SPMIP2: variants seen among roughly 807,000 people sequenced by gnomAD.
SPMIP2 encodes protein SPMIP2.
chr4:158,902,625 G>A, the SPMIP2 span, among the ~76,000 whole-genome samples: 651 of 152,308 alleles, frequency 4.3e-3, 4 homozygotes, highest in Middle Eastern at 0.031. Context: ...AAGAGATGGG[G>A]GTTTTATCTA....
chr4:159,051,911 T>C, the SPMIP2 span, among the ~76,000 whole-genome samples: 5 of 152,162 alleles, frequency 3.3e-5, no homozygotes, highest in Non-Finnish European at 7.4e-5. Context: ...TGCGCTTTCA[T>C]TTCCTCTCCT....
At chr4:158,922,037 G>C in the SPMIP2 span, among the ~76,000 whole-genome samples, 6 of 151,924 alleles carry the variant, frequency 3.9e-5, no homozygotes, top group Admixed American at 3.9e-4. Flanking sequence ...ACAGGCGCCT[G>C]CCACCACACC....
the SPMIP2 span, among the ~76,000 whole-genome samples, chr4:158,903,364 A>G: frequency 1.3e-5 from 2 of 152,040 alleles, no homozygotes; most frequent in African/African-American, 4.8e-5. Context: ...AAATACAGAA[A>G]TCACCCACCT....
chr4:159,035,520 T>C, the SPMIP2 span, among the ~76,000 whole-genome samples: 18 of 152,090 alleles, frequency 1.2e-4, no homozygotes, highest in Admixed American at 9.2e-4. Flanking sequence ...CCACAAACCA[T>C]GGTTAAATAT....
At chr4:158,963,715 A>C in the SPMIP2 span, among the ~76,000 whole-genome samples, 1 of 143,758 alleles carries the variant, frequency 7.0e-6, no homozygotes, top group Admixed American at 6.9e-5. Flanking sequence ...TAAAGTCCCA[A>C]ATCAGCTGAC....
chr4:159,048,050 A>C, the SPMIP2 span, among the ~76,000 whole-genome samples: 21 of 152,136 alleles, frequency 1.4e-4, no homozygotes, highest in African/African-American at 5.1e-4. Context: ...TTCAGAGATG[A>C]TTGTTCATGC....
At chr4:159,014,431 C>G in the SPMIP2 span, among the ~76,000 whole-genome samples, 1 of 152,032 alleles carries the variant, frequency 6.6e-6, no homozygotes, top group Admixed American at 6.6e-5. Flanking sequence ...CCAGGCTGGG[C>G]GAAAGGGCAA....
chr4:158,925,331 G>A, the SPMIP2 span, among the ~76,000 whole-genome samples: 4 of 152,026 alleles, frequency 2.6e-5, no homozygotes, highest in Non-Finnish European at 4.4e-5. Flanking sequence ...GGAATTGTTC[G>A]CAGTACTCCC....
chr4:159,031,654 G>T, the SPMIP2 span, among the ~76,000 whole-genome samples: 1 of 152,184 alleles, frequency 6.6e-6, no homozygotes, highest in Non-Finnish European at 1.5e-5. Context: ...TCACGGCAAT[G>T]TGACTATGTA....
At chr4:158,916,619 ATATGTATGTATGTATG>A in the SPMIP2 span, among the ~76,000 whole-genome samples, 6 of 150,604 alleles carry the variant, frequency 4.0e-5, no homozygotes, top group African/African-American at 1.5e-4. Flanking sequence ...ATGTATGTAC[ATATGTATGTATGTATG>A]TATGTATGTA....
At chr4:158,999,326 A>T in the SPMIP2 span, among the ~76,000 whole-genome samples, 23 of 152,350 alleles carry the variant, frequency 1.5e-4, no homozygotes, top group Non-Finnish European at 2.5e-4. Flanking sequence ...TATGAAAATG[A>T]CACTTTTAGC....
the SPMIP2 span, among the ~76,000 whole-genome samples, chr4:159,048,784 G>A: frequency 1.4e-5 from 2 of 141,164 alleles, no homozygotes; most frequent in African/African-American, 2.7e-5. Context: ...GCCCAGGTTG[G>A]ACTCTAACTT....
At chr4:158,913,553 T>G in the SPMIP2 span, among the ~76,000 whole-genome samples, 2 of 152,182 alleles carry the variant, frequency 1.3e-5, no homozygotes, top group African/African-American at 4.8e-5. Context: ...AACTTTAGAT[T>G]AGATAATAAT....
chr4:158,922,130 T>C, the SPMIP2 span, among the ~76,000 whole-genome samples: 1 of 152,216 alleles, frequency 6.6e-6, no homozygotes, highest in East Asian at 1.9e-4. Flanking sequence ...CCTCGTGATC[T>C]GCCCGCCTCG....
the SPMIP2 span, among the ~76,000 whole-genome samples, chr4:158,911,102 G>C: frequency 6.6e-6 from 1 of 152,176 alleles, no homozygotes; most frequent in Non-Finnish European, 1.5e-5. Flanking sequence ...GGCTGACATA[G>C]ATGTCACGTA....
chr4:159,001,275 C>A, the SPMIP2 span, among the ~76,000 whole-genome samples: 1 of 152,118 alleles, frequency 6.6e-6, no homozygotes, highest in Non-Finnish European at 1.5e-5. Flanking sequence ...ATTTGCTATC[C>A]ATATATTTTC....
chr4:158,996,357 TTTTC>T, the SPMIP2 span, among the ~76,000 whole-genome samples: 1 of 152,202 alleles, frequency 6.6e-6, no homozygotes, highest in African/African-American at 2.4e-5. Flanking sequence ...ATAAATTACA[TTTTC>T]TTTATTTTGG....
At chr4:158,993,894 G>T in the SPMIP2 span, among the ~76,000 whole-genome samples, 1 of 152,258 alleles carries the variant, frequency 6.6e-6, no homozygotes, top group Admixed American at 6.5e-5. Context: ...TCCAGCACTT[G>T]GGAATTTGTG....
chr4:158,973,983 CA>C, the SPMIP2 span, among the ~76,000 whole-genome samples: 7,045 of 64,294 alleles, frequency 0.11, 71 homozygotes, highest in Admixed American at 0.18. Context: ...AAGGCCACCT[CA>C]AAAAAAAAAA....
Sources: gnomAD v4.1 joint callset for allele counts (sites outside exome capture counted in the v4.1 genomes callset) on GRCh38, gnomAD v4.1.1 for gene constraint, MANE v1.5 for transcripts, NCBI Gene and HGNC (gene_info 2026-07-23, HGNC 2026-07-21) for gene names.